Variants in MAF observed in about 807,000 individuals in gnomAD.
The protein encoded by MAF is transcription factor Maf.
A neutral mutation model predicts 22.0 loss-of-function variants in MAF; 10 were observed. The ratio of observed to expected loss-of-function variants is 0.45; its 90% CI spans 0.28 to 0.77. MAF has a LOEUF of 0.77. MAF is among the 30% of genes least tolerant of loss of function. The pLI is 0.12. For missense variants in MAF, 544 were observed against 548.4 expected (o/e 0.99, Z 0.08); for synonymous variants, 337 against 255.8 (o/e 1.32, Z -3.03).
At chr16:79,368,628 G>C in the MAF span, among the ~76,000 whole-genome samples, 1 of 152,198 alleles carries the variant, frequency 6.6e-6, no homozygotes, top group South Asian at 2.1e-4. Flanking sequence ...CCCACCAGTA[G>C]GAGCCCTGGT....
chr16:79,285,473 C>G, the MAF span, among the ~76,000 whole-genome samples: 1 of 152,116 alleles, frequency 6.6e-6, no homozygotes, highest in Non-Finnish European at 1.5e-5. Flanking sequence ...AATTTGGTCC[C>G]TGGACACCTA....
At chr16:79,304,986 T>C in the MAF span, among the ~76,000 whole-genome samples, 1 of 152,188 alleles carries the variant, frequency 6.6e-6, no homozygotes, top group East Asian at 1.9e-4. Flanking sequence ...TCAGAATGGA[T>C]GGCACAATGT....
the MAF span, among the ~76,000 whole-genome samples, chr16:79,380,635 A>G: frequency 6.6e-6 from 1 of 152,212 alleles, no homozygotes; most frequent in Non-Finnish European, 1.5e-5. Flanking sequence ...CTGGAACTGA[A>G]TAAATACTCA....
At chr16:79,446,105 G>C in the MAF span, among the ~76,000 whole-genome samples, 4 of 152,158 alleles carry the variant, frequency 2.6e-5, no homozygotes, top group African/African-American at 9.7e-5. Context: ...GCAGGGACGG[G>C]CAGAGGGGAA....
At chr16:79,536,460 TG>T in the MAF span, among the ~76,000 whole-genome samples, 1 of 152,144 alleles carries the variant, frequency 6.6e-6, no homozygotes, top group African/African-American at 2.4e-5. Flanking sequence ...CTGGCTAATA[TG>T]GTGAAACCCC....
the MAF span, among the ~76,000 whole-genome samples, chr16:79,387,906 C>T: frequency 3.3e-5 from 5 of 152,172 alleles, no homozygotes; most frequent in African/African-American, 1.2e-4. Flanking sequence ...AAGTTTTATT[C>T]AATGAGTCCC....
the MAF span, among the ~76,000 whole-genome samples, chr16:79,449,384 G>T: frequency 1.3e-5 from 2 of 152,174 alleles, no homozygotes; most frequent in Non-Finnish European, 2.9e-5. Context: ...AAAATCATGT[G>T]ACTCACTTAA....
the MAF span, among the ~76,000 whole-genome samples, chr16:79,415,128 A>G: frequency 6.6e-6 from 1 of 152,250 alleles, no homozygotes; most frequent in Non-Finnish European, 1.5e-5. Flanking sequence ...GAGCAGCTCT[A>G]ACATTGTCCT....
the MAF span, among the ~76,000 whole-genome samples, chr16:79,511,988 G>C: frequency 0.02 from 3,072 of 152,298 alleles, 94 homozygotes; most frequent in African/African-American, 0.066. Context: ...AGGGGACAGA[G>C]TTGAGAAGTG....
the MAF span, among the ~76,000 whole-genome samples, chr16:79,555,199 C>A: frequency 6.6e-6 from 1 of 152,222 alleles, no homozygotes; most frequent in Non-Finnish European, 1.5e-5. Context: ...CCATCCTCCT[C>A]TCTCATCTCT....
chr16:79,303,601 A>G, the MAF span, among the ~76,000 whole-genome samples: 1 of 152,218 alleles, frequency 6.6e-6, no homozygotes, highest in African/African-American at 2.4e-5. Flanking sequence ...CCCAGTGCCT[A>G]CGAATGGCTT....
chr16:79,574,398 C>T, the MAF span, among the ~76,000 whole-genome samples: 19,334 of 152,210 alleles, frequency 0.13, 1,338 homozygotes, highest in African/African-American at 0.16. Flanking sequence ...ATACCTCCAT[C>T]CTTGTGACTT....
the MAF span, among the ~76,000 whole-genome samples, chr16:79,210,250 A>G: frequency 6.6e-6 from 1 of 152,182 alleles, no homozygotes; most frequent in Non-Finnish European, 1.5e-5. Context: ...CAACAATGAC[A>G]ACAACAAACC....
Position 79,599,173 on chromosome 16 carries a change from C to A in MAF, c.730G>T (p.Gly244Cys). The change falls in exon 1 of 2, where the codon GGC becomes TGC. Residue 244 changes from glycine (G) to cysteine (C), a missense_variant. Physicochemically the swap from Gly to Cys is radical, Grantham distance 159. This residue lies in a region of MAF where 342 missense variants were observed against 315.5 expected (regional missense o/e 1.08). Coordinates refer to ENST00000326043, the MANE Select transcript of MAF (RefSeq NM_005360.5). The part of the protein sequence containing the change: ...GGGGGAAGAG[G>C]ALHPHHAAGG... ...GCGGCGTGGTGCGGGTGCAGGGCGC[C>A]CCCCGCCCCCGCCGCGCCCCCGCCG... 14 of 1,200,276 alleles carry A rather than the reference C, an allele frequency of 1.2e-5. No individual in the cohort carries two copies. Among genetic ancestry groups the A allele is most frequent in the Non-Finnish European group, 1.5e-5 (14 of 965,054 alleles). 74.4% of individuals were successfully genotyped at this position (1,200,276 alleles called of 1,614,324 possible).
At chr16:79,226,913 C>G in the MAF span, among the ~76,000 whole-genome samples, 1 of 152,048 alleles carries the variant, frequency 6.6e-6, no homozygotes, top group Non-Finnish European at 1.5e-5. Flanking sequence ...CCAGAAAGTA[C>G]TCTTGAGTTG....
chr16:79,544,502 T>C, the MAF span, among the ~76,000 whole-genome samples: 1 of 151,986 alleles, frequency 6.6e-6, no homozygotes, highest in African/African-American at 2.4e-5. Context: ...CAGCCGGGCA[T>C]GGTGGCTCAT....
the MAF span, among the ~76,000 whole-genome samples, chr16:79,451,833 T>G: frequency 1.3e-5 from 2 of 152,194 alleles, no homozygotes; most frequent in Non-Finnish European, 2.9e-5. Context: ...TAACTAAACA[T>G]GTATCTATAA....
At chr16:79,243,968 C>T in the MAF span, among the ~76,000 whole-genome samples, 23 of 152,000 alleles carry the variant, frequency 1.5e-4, no homozygotes, top group Middle Eastern at 3.2e-3. Flanking sequence ...AAAAAAACCA[C>T]GTGTTTATCT....
the MAF span, among the ~76,000 whole-genome samples, chr16:79,378,161 C>T: frequency 6.6e-6 from 1 of 152,152 alleles, no homozygotes; most frequent in Non-Finnish European, 1.5e-5. Flanking sequence ...TACCCATGAG[C>T]ACTCACATGT....
Sources: allele counts gnomAD v4.1 joint callset (sites outside exome capture counted in the v4.1 genomes callset), GRCh38; gene constraint gnomAD v4.1.1; regional missense constraint gnomAD v4.1.1; transcripts MANE v1.5; gene names NCBI Gene and HGNC (gene_info 2026-07-23, HGNC 2026-07-21).